Variants in ZC3H13 observed in about 807,000 individuals in gnomAD.
ZC3H13 encodes the protein zinc finger CCCH-type containing 13, also known as zinc finger CCCH domain-containing protein 13.
A neutral mutation model predicts 204.1 loss-of-function variants in ZC3H13; 64 were observed. The ratio of observed to expected loss-of-function variants is 0.31; its 90% CI spans 0.26 to 0.39. ZC3H13 has a LOEUF of 0.39. ZC3H13 is among the 10% of genes least tolerant of loss of function. The pLI is 1.00. For missense variants in ZC3H13, 1,833 were observed against 2,082.7 expected (o/e 0.88, Z 2.33); for synonymous variants, 667 against 693.7 (o/e 0.96, Z 0.60).
rs118182518 is a variant in ZC3H13 at position 45,984,800 on chromosome 13, A to G, written c.1720+497T>C. On this transcript the variant is annotated intron_variant, in intron 10 of 18. Coordinates refer to ENST00000679008, the MANE Select transcript of ZC3H13 (RefSeq NM_001330564.2). The stretch of plus-strand genomic sequence containing the variant: ...ACAATATATTTAAGTCATTTGGGTG[A>G]TGGCAAATACTTTTTATGAAAAGAA... 2.8e-3 allele frequency among the ~76,000 whole-genome samples: 428 copies of G among 152,290 alleles called. 15 individuals carry two copies. In the East Asian group the frequency reaches 0.067, roughly 24 times the overall value.
At chr13:45,975,926 G>GT (rs11428563) in intron 11 of ZC3H13, 88 bp from the exon 12 acceptor site, 1,515,532 of 1,515,538 alleles carry the variant, frequency 1, 757,763 homozygotes, top group Middle Eastern at 1. Context: ...TTTTATCTGT[G>GT]ATAGGGTCAC....
chr13:45,975,745 T>A lies in ZC3H13; in HGVS notation c.2006A>T (p.Asp669Val). The change falls in exon 12 of 19, where the codon GAT (aspartate) becomes GTT (valine). Residue 669 changes from aspartate (D) to valine (V), a missense_variant. Asp to Val is a radical substitution (Grantham distance 152). Around this residue, in one of 5 missense-constraint regions of ZC3H13, gnomAD observed 1,574 missense variants for 1,757.2 expected, o/e 0.90. Coordinates refer to ENST00000679008, the MANE Select transcript of ZC3H13 (RefSeq NM_001330564.2). ...RREERRVDRV[D>V]DRRDERARER... is the part of the protein sequence containing the mutation. ...TCTAGCCCTTTCATCTCTCCTATCA[T>A]CCACTCTGTCTACTCTTCGTTCCTC... is the stretch of plus-strand genomic sequence containing the variant. The A allele has an allele frequency of 6.2e-7, 1 of 1,613,904 alleles. No homozygotes were observed. Among genetic ancestry groups the A allele is most frequent in the Non-Finnish European group, 8.5e-7 (1 of 1,179,882 alleles).
rs757437367 is a variant in ZC3H13, at chr13:45,975,432, TTCCCGTTCTCGCTCTCGCTCTCTC to T, written c.2295_2318del (p.Glu769_Arg776del). On this transcript the variant is annotated inframe_deletion, in exon 12 of 19. Coordinates refer to ENST00000679008, the MANE Select transcript of ZC3H13 (RefSeq NM_001330564.2). ...TATCCCTTTCTCTCGCTCTTTCTCG[TTCCCGTTCTCGCTCTCGCTCTCTC>T]TCCCGTTCTCGCTCTCTCTCCCTCT... The T allele has an allele frequency of 8.7e-6, 14 of 1,613,740 alleles. No homozygotes were observed. Among genetic ancestry groups the T allele is most frequent in the East Asian group, 2.2e-5 (1 of 44,860 alleles).
chr13:46,016,224 A>G (rs987260902), intron 5 of ZC3H13, among the ~76,000 whole-genome samples: 1 of 152,102 alleles, frequency 6.6e-6, no homozygotes, highest in African/African-American at 2.4e-5. Flanking sequence ...CGAACCATAA[A>G]CTCAAGAGAA....
intron 8 of ZC3H13, 112 bp from the exon 9 acceptor site, chr13:45,989,209 GAATA>G: frequency 1.9e-6 from 2 of 1,078,962 alleles, no homozygotes; most frequent in Non-Finnish European, 2.6e-6. Flanking sequence ...AATAACTTCA[GAATA>G]AATTTTAATT....
At chr13:45,988,748 T>C (rs375593984) in intron 9 of ZC3H13, 39 bp downstream of exon 9, 1 of 1,559,056 alleles carries the variant, frequency 6.4e-7, no homozygotes, top group Non-Finnish European at 8.7e-7. Flanking sequence ...AGCTGGATGT[T>C]CAATTTTTCA....
intron 4 of ZC3H13, among the ~76,000 whole-genome samples, chr13:46,030,770 G>A (rs1411450570): frequency 6.6e-6 from 1 of 152,020 alleles, no homozygotes; most frequent in Non-Finnish European, 1.5e-5. Context: ...ACATGCATGA[G>A]GAAAATTACA....
intron 8 of ZC3H13, among the ~76,000 whole-genome samples, chr13:46,000,462 C>T (rs1245738892): frequency 1.3e-5 from 2 of 152,244 alleles, no homozygotes; most frequent in African/African-American, 4.8e-5. Context: ...CGTTAAATGT[C>T]ATGAAGTAAC....
At chr13:45,979,322 T>C (rs938494148) in intron 11 of ZC3H13, among the ~76,000 whole-genome samples, 1 of 152,104 alleles carries the variant, frequency 6.6e-6, no homozygotes, top group East Asian at 1.9e-4. Context: ...GCAAATACCA[T>C]ATCTTCTCAG....
intron 1 of ZC3H13, among the ~76,000 whole-genome samples, chr13:46,051,184 G>A (rs943932690): frequency 2.0e-5 from 3 of 152,148 alleles, no homozygotes; most frequent in African/African-American, 7.2e-5. Context: ...TGGATTTTTA[G>A]TATGTTAAAT....
At chr13:45,971,260 T>C (rs1001136397) in intron 12 of ZC3H13, among the ~76,000 whole-genome samples, 2 of 152,222 alleles carry the variant, frequency 1.3e-5, no homozygotes, top group Non-Finnish European at 2.9e-5. Context: ...TCATTAAAAT[T>C]TGACTACCTG....
chr13:46,051,245 A>C (rs145182676), intron 1 of ZC3H13, among the ~76,000 whole-genome samples: 1 of 152,328 alleles, frequency 6.6e-6, no homozygotes, highest in East Asian at 1.9e-4. Flanking sequence ...CAAAATATGC[A>C]ATGTTCATTT....
At chr13:46,048,812 C>G (rs2044188141) in intron 1 of ZC3H13, among the ~76,000 whole-genome samples, 1 of 151,878 alleles carries the variant, frequency 6.6e-6, no homozygotes. Flanking sequence ...TACTGAGTCT[C>G]CCAATTTAGC....
intron 1 of ZC3H13, 77 bp downstream of exon 1, chr13:46,052,327 G>T (rs2274382): frequency 4.6e-5 from 18 of 390,388 alleles, no homozygotes; most frequent in Admixed American, 3.6e-4. Flanking sequence ...AGACGGGGGG[G>T]GGTAACCCGG....
intron 12 of ZC3H13, among the ~76,000 whole-genome samples, chr13:45,974,443 C>T (rs989880462): frequency 3.9e-5 from 6 of 152,136 alleles, no homozygotes; most frequent in African/African-American, 1.4e-4. Context: ...TGGATATAGC[C>T]ACATCAGAAC....
intron 9 of ZC3H13, among the ~76,000 whole-genome samples, chr13:45,986,804 G>A (rs150353295): frequency 6.6e-6 from 1 of 152,150 alleles, no homozygotes; most frequent in Admixed American, 6.5e-5. Context: ...AACATTATAA[G>A]TTTACCTCCT....
At chr13:45,993,636 C>T (rs2040122197) in intron 8 of ZC3H13, among the ~76,000 whole-genome samples, 1 of 152,104 alleles carries the variant, frequency 6.6e-6, no homozygotes, top group African/African-American at 2.4e-5. Context: ...GGTTAAGTGC[C>T]ATTTAAAATA....
At chr13:45,958,481 T>C (rs950783079) in intron 18 of ZC3H13, among the ~76,000 whole-genome samples, 3 of 152,144 alleles carry the variant, frequency 2.0e-5, no homozygotes, top group African/African-American at 7.2e-5. Flanking sequence ...ATATTTGCAT[T>C]ACATTTACTT....
At chr13:46,040,783 G>C (rs543610740) in intron 4 of ZC3H13, among the ~76,000 whole-genome samples, 1 of 152,158 alleles carries the variant, frequency 6.6e-6, no homozygotes, top group East Asian at 1.9e-4. Flanking sequence ...TTTAAAATGG[G>C]AAAAGAATCT....
Sources: allele counts gnomAD v4.1 joint callset (sites outside exome capture counted in the v4.1 genomes callset), GRCh38; gene constraint gnomAD v4.1.1; regional missense constraint gnomAD v4.1.1; transcripts MANE v1.5; gene names NCBI Gene and HGNC (gene_info 2026-07-23, HGNC 2026-07-21).